The following EML6 variants were observed in gnomAD, a reference collection of about 807,000 sequenced individuals.
EML6 encodes EMAP like 6.
Under a neutral mutation model 240.1 loss-of-function variants are expected in EML6, and 154 were observed. That is an observed-to-expected ratio of 0.64 (90% CI 0.56 to 0.73). The LOEUF is 0.73. Ranked by LOEUF, EML6 falls within the 30% of genes least tolerant of loss-of-function variation. The pLI, the probability that EML6 is intolerant of heterozygous loss-of-function variation, is 0.00. For synonymous variants in EML6, 1,148 were observed against 899.0 expected (o/e 1.28, Z -4.95); for missense variants, 2,964 against 2,474.6 (o/e 1.20, Z -4.20).
chr2:54,968,270 A>G lies in EML6; in HGVS notation c.5740A>G (p.Thr1914Ala). 1 of 1,551,746 alleles carries G rather than the reference A, an allele frequency of 6.4e-7. No homozygotes were observed. The highest frequency in any genetic ancestry group is 8.7e-7 in the Non-Finnish European group (1 of 1,147,018). ...GLVKLFDFPCTEKFAKHKRYF... is the reference protein window; with the variant it reads ...GLVKLFDFPCAEKFAKHKRYF... Reference sequence around the variant, plus strand: ...GGTGAAGCTCTTTGATTTTCCATGCACAGAAAAATTTGTGAGTGTTCCTCA... The same window carrying G: ...GGTGAAGCTCTTTGATTTTCCATGCGCAGAAAAATTTGTGAGTGTTCCTCA... The change falls in exon 40 of 42, where the codon ACA becomes GCA. Residue 1914 changes from threonine to alanine, a missense_variant. By Grantham distance (58) the Thr-to-Ala change is moderately conservative (BLOSUM62 0). Transcript: ENST00000356458.
intron 17 of EML6, among the ~76,000 whole-genome samples, chr2:54,890,077 G>T (rs6710876): frequency 0.022 from 3,302 of 152,222 alleles, 110 homozygotes; most frequent in African/African-American, 0.071. Flanking sequence ...GTGTTGAGTG[G>T]TTTATTTTTT....
rs116139416 is a variant in EML6, at chr2:54,940,736, G to A, written c.4005-8146G>A. ...ATGGATGGTCTTTGTGGGAAATGATGTGACTGATGTAGAATCCAGGGTGCC... is the reference window on the plus strand; with the variant it reads ...ATGGATGGTCTTTGTGGGAAATGATATGACTGATGTAGAATCCAGGGTGCC... On this transcript the variant is annotated intron_variant, in intron 28 of 41. Transcript: ENST00000356458. Among the ~76,000 whole-genome samples, 559 of 152,324 alleles carry A rather than the reference G, an allele frequency of 3.7e-3. 4 individuals are homozygous for A. Among genetic ancestry groups the A allele is most frequent in the African/African-American group, 0.013 (537 of 41,570 alleles).
intron 23 of EML6, 42 bp downstream of exon 23, chr2:54,903,238 G>C (rs957066419): frequency 2.0e-6 from 3 of 1,535,706 alleles, no homozygotes; most frequent in African/African-American, 1.4e-5. Flanking sequence ...GCACAGTCTT[G>C]GGACAAAAAA....
intron 2 of EML6, among the ~76,000 whole-genome samples, chr2:54,789,268 C>G (rs1669262288): frequency 6.6e-6 from 1 of 152,078 alleles, no homozygotes; most frequent in East Asian, 1.9e-4. Flanking sequence ...AATCCCAGCA[C>G]TTTGGGAGGC....
intron 2 of EML6, among the ~76,000 whole-genome samples, chr2:54,733,170 G>A (rs1275343926): frequency 5.3e-5 from 8 of 152,184 alleles, no homozygotes; most frequent in Admixed American, 2.0e-4. Context: ...CCTACCTCCC[G>A]GGGATGAAAG....
In EML6 at chr2:54,725,078, C is replaced by A; in HGVS notation, c.17C>A (p.Ala6Glu). MADRT[A>E]PRCQLRLEWV... The stretch of plus-strand genomic sequence containing the variant: ...CGGCTTATCATGGCGGATCGGACGG[C>A]GCCCCGCTGCCAGCTCCGGCTGGAG... Residue 6 changes from alanine to glutamate, a missense_variant, in exon 2 of 42, where the codon GCG (alanine) becomes GAG (glutamate). Coordinates refer to ENST00000356458, the MANE Select transcript of EML6 (RefSeq NM_001039753.4). The surrounding 1 kb of genome is among the most constrained non-coding windows in gnomAD (Gnocchi z 4.3). 6.5e-7 allele frequency: 1 copy of A among 1,527,388 alleles called. No homozygotes were observed. Among genetic ancestry groups the A allele is most frequent in the Non-Finnish European group, 8.8e-7 (1 of 1,137,164 alleles). 94.6% of individuals were successfully genotyped at this position (1,527,388 alleles called of 1,614,324 possible).
chr2:54,831,623 G>A (rs751952874), intron 7 of EML6, among the ~76,000 whole-genome samples: 2 of 152,244 alleles, frequency 1.3e-5, no homozygotes, highest in African/African-American at 2.4e-5. Context: ...CACCTCATAG[G>A]ATGTGCCTGC....
rs72808604 is a variant in EML6, at chr2:54,785,052, A to T, written c.198-28180A>T. 8.4e-3 allele frequency among the ~76,000 whole-genome samples: 1,280 copies of T among 152,186 alleles called. 9 individuals are homozygous for T. Among genetic ancestry groups the T allele is most frequent in the Non-Finnish European group, 0.015 (1,001 of 68,018 alleles). The stretch of plus-strand genomic sequence containing the variant: ...TTCTTTGGGAACACCTCCAGCCTAG[A>T]TCACTAGTGGCACTTCACAGGGGGT... On this transcript the variant is annotated intron_variant, in intron 2 of 41. Transcript: ENST00000356458.
At chr2:54,892,420 T>G (rs1028320551) in intron 18 of EML6, 34 bp from the exon 19 acceptor site, 6 of 1,476,286 alleles carry the variant, frequency 4.1e-6, no homozygotes, top group Non-Finnish European at 5.5e-6. Context: ...GTGCCAGATT[T>G]TATAAAGTAA....
chr2:54,892,099 A>G (rs1672499984), intron 18 of EML6, among the ~76,000 whole-genome samples: 1 of 152,182 alleles, frequency 6.6e-6, no homozygotes, highest in Admixed American at 6.5e-5. Flanking sequence ...CTCTTGGCTG[A>G]CACAGAACTT....
chr2:54,938,892 C>T (rs534912186), intron 28 of EML6, among the ~76,000 whole-genome samples: 1 of 152,198 alleles, frequency 6.6e-6, no homozygotes, highest in African/African-American at 2.4e-5. Flanking sequence ...TGGTGGGAGA[C>T]CTGGGAGTTG....
intron 11 of EML6, among the ~76,000 whole-genome samples, chr2:54,855,143 G>A (rs1399617070): frequency 6.6e-6 from 1 of 152,202 alleles, no homozygotes; most frequent in African/African-American, 2.4e-5. Flanking sequence ...AGAAGTACCT[G>A]AGACTTGGTA....
intron 4 of EML6, among the ~76,000 whole-genome samples, chr2:54,818,012 G>C (rs1190861862): frequency 8.1e-6 from 1 of 122,726 alleles, no homozygotes; most frequent in Non-Finnish European, 1.9e-5. Context: ...CCTCTGGGGA[G>C]ACTTCACGGC....
chr2:54,835,397 G>C (rs1385111678), intron 7 of EML6, among the ~76,000 whole-genome samples: 1 of 152,176 alleles, frequency 6.6e-6, no homozygotes, highest in Non-Finnish European at 1.5e-5. Context: ...CTGGAGGGTG[G>C]AGCCTTGTGG....
intron 21 of EML6, among the ~76,000 whole-genome samples, chr2:54,896,144 C>T (rs1020735264): frequency 2.0e-5 from 3 of 152,190 alleles, no homozygotes; most frequent in African/African-American, 7.2e-5. Context: ...ACCTCCACCT[C>T]CAAGGTCCCC....
intron 10 of EML6, among the ~76,000 whole-genome samples, chr2:54,851,700 C>G (rs1279580893): frequency 6.6e-6 from 1 of 152,114 alleles, no homozygotes; most frequent in Non-Finnish European, 1.5e-5. Flanking sequence ...TCTGTTATTT[C>G]TTCTTTATTC....
At chr2:54,957,740 C>G (rs1395205939) in intron 32 of EML6, 50 bp from the exon 33 acceptor site, 1 of 1,525,528 alleles carries the variant, frequency 6.6e-7, no homozygotes, top group South Asian at 1.2e-5. Context: ...CTCCCCCGGC[C>G]TGGCCCATGA....
At chr2:54,936,537 C>T (rs1675143053) in intron 28 of EML6, among the ~76,000 whole-genome samples, 1 of 152,190 alleles carries the variant, frequency 6.6e-6, no homozygotes, top group South Asian at 2.1e-4. Flanking sequence ...GAGAATTAAA[C>T]TATTACAGAA....
At chr2:54,958,590 C>T (rs183282601) in intron 33 of EML6, among the ~76,000 whole-genome samples, 14 of 152,240 alleles carry the variant, frequency 9.2e-5, no homozygotes, top group Admixed American at 9.1e-4. Flanking sequence ...TTGCAAGCCC[C>T]AGAGGATATT....
Sources: gnomAD v4.1 joint callset for allele counts (sites outside exome capture counted in the v4.1 genomes callset) on GRCh38, gnomAD v4.1.1 for gene constraint, Gnocchi (gnomAD v3.1) non-coding constraint, MANE v1.5 for transcripts, NCBI Gene and HGNC (gene_info 2026-07-23, HGNC 2026-07-21) for gene names.